Variants in ADAMTS9 observed in about 807,000 individuals in gnomAD.
The protein encoded by ADAMTS9 is ADAM metallopeptidase with thrombospondin type 1 motif 9.
A neutral mutation model predicts 257.1 loss-of-function variants in ADAMTS9; 107 were observed. That is an observed-to-expected ratio of 0.42 (90% CI 0.36 to 0.49). ADAMTS9 has a LOEUF of 0.49. ADAMTS9 is among the 20% of genes least tolerant of loss of function. The pLI, the probability that ADAMTS9 is intolerant of heterozygous loss-of-function variation, is 0.03. For missense variants in ADAMTS9, 2,353 were observed against 2,469.1 expected (o/e 0.95, Z 1.00); for synonymous variants, 982 against 880.9 (o/e 1.11, Z -2.03).
intron 33 of ADAMTS9, 70 bp downstream of exon 33, chr3:64,541,764 GGGCA>G (rs1422138979): frequency 6.3e-7 from 1 of 1,591,074 alleles, no homozygotes; most frequent in Non-Finnish European, 8.6e-7. Context: ...TTTCTAAAAA[GGGCA>G]GGCAATCAAA....
chr3:64,637,991 G>A lies in ADAMTS9; in HGVS notation c.1856+3857C>T, dbSNP rs368316918. 1.7e-4 allele frequency among the ~76,000 whole-genome samples: 26 copies of A among 152,278 alleles called. No individual in the cohort carries two copies. The East Asian group carries it at 2.3e-3, about 14-fold the overall frequency. ...TTGCTGTAATTCCTTACAGCCAAAT[G>A]AGAAATTCATTTTTTTGGATGAAAT... On this transcript the variant is annotated intron_variant, in intron 12 of 39. Transcript: ENST00000498707.
chr3:64,686,441 G>T lies in ADAMTS9; in HGVS notation c.516+127C>A. The T allele has an allele frequency of 7.7e-7, 1 of 1,305,942 alleles. No individual in the cohort carries two copies. Among genetic ancestry groups the T allele is most frequent in the Non-Finnish European group, 1.0e-6 (1 of 972,808 alleles). The allele number at this position is 1,305,942 out of a possible 1,614,324, so 80.9% of individuals were successfully genotyped here. A position where few individuals can be genotyped will look rare whatever the true frequency, so the allele number is the denominator to read the frequency against. On this transcript the variant is annotated intron_variant, in intron 2 of 39. Transcript: ENST00000498707. This position sits in a 1 kb window ranked among gnomAD's most constrained non-coding sequence, Gnocchi z 4.6. ...ACCCAAACCATACGAGTTTCTAGCTGATATTTAACGCCGGAGAGGAGCGGA... is the reference window on the plus strand; with the variant it reads ...ACCCAAACCATACGAGTTTCTAGCTTATATTTAACGCCGGAGAGGAGCGGA...
At chr3:64,548,119 G>T (rs1246999864) in intron 31 of ADAMTS9, among the ~76,000 whole-genome samples, 1 of 152,098 alleles carries the variant, frequency 6.6e-6, no homozygotes, top group Admixed American at 6.6e-5. Flanking sequence ...ATTCTCAAGG[G>T]CAGTGAGAAG....
intron 28 of ADAMTS9, among the ~76,000 whole-genome samples, chr3:64,581,892 A>G (rs2084012534): frequency 6.6e-6 from 1 of 152,092 alleles, no homozygotes; most frequent in African/African-American, 2.4e-5. Flanking sequence ...AAAATTTCTG[A>G]GGTTGATGAC....
chr3:64,530,561 A>G (rs895439236), intron 38 of ADAMTS9, among the ~76,000 whole-genome samples: 4 of 151,146 alleles, frequency 2.6e-5, no homozygotes, highest in Non-Finnish European at 5.9e-5. Flanking sequence ...GCCGACAGGC[A>G]ATTGTCATAC....
At chr3:64,604,582 T>C (rs2084525678) in intron 23 of ADAMTS9, among the ~76,000 whole-genome samples, 1 of 152,188 alleles carries the variant, frequency 6.6e-6, no homozygotes. Flanking sequence ...AAGCCATATT[T>C]ATTCATCCGT....
chr3:64,629,225 G>C (rs1474549229), intron 16 of ADAMTS9, among the ~76,000 whole-genome samples: 3 of 152,168 alleles, frequency 2.0e-5, no homozygotes, highest in African/African-American at 7.2e-5. Flanking sequence ...CACCGCTTCT[G>C]TCCTGTACAC....
Position 64,686,396 on chromosome 3 carries a change from T to C in ADAMTS9, c.516+172A>G, listed in dbSNP as rs1240125584. ...GTGTGTGCGCTCCACGCCAGTGTACTCGCACGCACAGAGCTAGCTACCCAA... is the reference window on the plus strand; with the variant it reads ...GTGTGTGCGCTCCACGCCAGTGTACCCGCACGCACAGAGCTAGCTACCCAA... On this transcript the variant is annotated intron_variant, in intron 2 of 39. Transcript: ENST00000498707. This position sits in a 1 kb window ranked among gnomAD's most constrained non-coding sequence, Gnocchi z 4.6. Among the ~76,000 whole-genome samples, 1 of 152,256 alleles carries C rather than the reference T, an allele frequency of 6.6e-6. No individual in the cohort carries two copies. Among genetic ancestry groups the C allele is most frequent in the East Asian group, 1.9e-4 (1 of 5,192 alleles).
chr3:64,586,257 T>C (rs1042828314), intron 28 of ADAMTS9, among the ~76,000 whole-genome samples: 5 of 151,856 alleles, frequency 3.3e-5, no homozygotes, highest in Non-Finnish European at 2.9e-5. Flanking sequence ...ACAAAGTAAA[T>C]GTTCCAAAAT....
Position 64,686,839 on chromosome 3 carries a change from G to A in ADAMTS9, c.245C>T (p.Pro82Leu). ...TRRSINSATDPWPAFASSSSS... is the reference protein window; with the variant it reads ...TRRSINSATDLWPAFASSSSS... The stretch of plus-strand genomic sequence containing the variant: ...AGAGGAGGAGGCGAAGGCAGGCCAG[G>A]GGTCAGTGGCAGAGTTAATGCTCCG... Residue 82 changes from proline to leucine, a missense_variant, in exon 2 of 40, where the codon CCC (proline) becomes CTC (leucine). Physicochemically the swap from Pro to Leu is moderately conservative, Grantham distance 98 (BLOSUM62 -3). This residue lies in a region of ADAMTS9 where 591 missense variants were observed against 569.6 expected (regional missense o/e 1.04). Coordinates refer to ENST00000498707, the MANE Select transcript of ADAMTS9 (RefSeq NM_182920.2). This position sits in a 1 kb window ranked among gnomAD's most constrained non-coding sequence, Gnocchi z 4.6. 3 of 1,614,158 alleles carry A rather than the reference G, an allele frequency of 1.9e-6. No homozygotes were observed. The highest frequency in any genetic ancestry group is 1.7e-6 in the Non-Finnish European group (2 of 1,180,022).
Position 64,651,097 on chromosome 3 carries a change from G to A in ADAMTS9, c.1383C>T (p.Val461=). Residue 461 remains valine (V), a synonymous_variant, in exon 9 of 40, where the codon GTC becomes GTT. Coordinates refer to ENST00000498707, the MANE Select transcript of ADAMTS9 (RefSeq NM_182920.2). ...KEEGVKSPQH[V]MAPTLNFYTN... is the part of the protein sequence containing the mutation. ...TGTAGAAGTTCAGTGTTGGAGCCATGACATGCTGGGGACTCTTAACTCCTT... is the reference window on the plus strand; with the variant it reads ...TGTAGAAGTTCAGTGTTGGAGCCATAACATGCTGGGGACTCTTAACTCCTT... 1.9e-6 allele frequency: 3 copies of A among 1,607,704 alleles called. No homozygotes were observed. Among genetic ancestry groups the A allele is most frequent in the Non-Finnish European group, 2.5e-6 (3 of 1,177,884 alleles).
At chr3:64,603,782 G>A (rs1189009724) in intron 25 of ADAMTS9, 140 bp downstream of exon 25, 8 of 1,010,076 alleles carry the variant, frequency 7.9e-6, no homozygotes, top group African/African-American at 1.6e-5. Context: ...AAGTGGAGCA[G>A]CACAATTTAA....
At chr3:64,524,496 T>C (rs1442573083) in intron 38 of ADAMTS9, among the ~76,000 whole-genome samples, 2 of 152,188 alleles carry the variant, frequency 1.3e-5, no homozygotes, top group Non-Finnish European at 2.9e-5. Flanking sequence ...CAGATAAACA[T>C]TTACAATCTA....
chr3:64,541,808 A>C lies in ADAMTS9; in HGVS notation c.5197+30T>G, dbSNP rs561725501. 3.2e-5 allele frequency: 52 copies of C among 1,613,380 alleles called. 1 individual carries two copies. The East Asian group carries it at 1.0e-3, about 31-fold the overall frequency. On this transcript the variant is annotated intron_variant, in intron 33 of 39. Transcript: ENST00000498707. ...CAAAGACATCCTGTTCTTCATGCTA[A>C]AGAAAGATAACTTCAGTTGGCCAAC...
chr3:64,566,981 C>T (rs953794192), intron 29 of ADAMTS9, among the ~76,000 whole-genome samples: 2 of 151,900 alleles, frequency 1.3e-5, no homozygotes, highest in African/African-American at 2.4e-5. Flanking sequence ...AAAGGAGGAA[C>T]CAGCTCTGGC....
intron 28 of ADAMTS9, among the ~76,000 whole-genome samples, chr3:64,593,905 A>C: frequency 6.6e-6 from 1 of 151,620 alleles, no homozygotes; most frequent in Non-Finnish European, 1.5e-5. Flanking sequence ...TAGAAAAGGA[A>C]AGAATGTGTG....
At chr3:64,619,874 G>C (rs768647809) in intron 19 of ADAMTS9, among the ~76,000 whole-genome samples, 1 of 152,010 alleles carries the variant, frequency 6.6e-6, no homozygotes, top group Admixed American at 6.6e-5. Context: ...TCAGTTTAGC[G>C]GTTAGTTAAC....
chr3:64,682,994 G>T (rs1701796797), intron 2 of ADAMTS9, among the ~76,000 whole-genome samples: 1 of 152,122 alleles, frequency 6.6e-6, no homozygotes, highest in South Asian at 2.1e-4. Flanking sequence ...TGTTTTAAAA[G>T]CTCTCCACAT....
rs577012807 is a variant in ADAMTS9, at chr3:64,652,172, T to C, written c.1317-1009A>G. On this transcript the variant is annotated intron_variant, in intron 8 of 39. Coordinates refer to ENST00000498707, the MANE Select transcript of ADAMTS9 (RefSeq NM_182920.2). ...TTGAGAGAGAAATTCCCTTCACTAG[T>C]TCATCTTGATTACAGAAATAAGTGA... 1.9e-3 allele frequency among the ~76,000 whole-genome samples: 285 copies of C among 152,308 alleles called. 1 individual carries two copies. Among genetic ancestry groups the C allele is most frequent in the African/African-American group, 6.6e-3 (276 of 41,574 alleles).
Sources: gnomAD v4.1 joint callset for allele counts (sites outside exome capture counted in the v4.1 genomes callset) on GRCh38, gnomAD v4.1.1 for gene constraint, gnomAD v4.1.1 regional missense constraint, Gnocchi (gnomAD v3.1) non-coding constraint, MANE v1.5 for transcripts, NCBI Gene and HGNC (gene_info 2026-07-23, HGNC 2026-07-21) for gene names.